UGT1A10: variants seen among roughly 807,000 people sequenced by gnomAD.
UGT1A10 encodes UDP-glucuronosyltransferase 1A10.
A neutral mutation model predicts 45.8 loss-of-function variants in UGT1A10; 49 were observed. The observed-to-expected ratio is 1.07, with a 90% CI of 0.85 to 1.36. The LOEUF (loss-of-function observed/expected upper bound fraction) is 1.36, where lower values mean the gene tolerates loss of function less well. UGT1A10 is among the 40% of genes most tolerant of loss of function. The probability of loss-of-function intolerance (pLI) is 0.00; values close to 1 mark genes in which losing one functional copy is unlikely to be tolerated. For synonymous variants in UGT1A10, 284 were observed against 249.7 expected (o/e 1.14, Z -1.29); for missense variants, 745 against 668.6 (o/e 1.11, Z -1.26).
At chr2:233,682,816 A>G (rs28969714) in intron 1 of UGT1A10, 1 of 1,580,878 alleles carries the variant, frequency 6.3e-7, no homozygotes, top group Non-Finnish European at 8.6e-7. Context: ...CCTTTAGCAC[A>G]TTAAGAATAA....
intron 1 of UGT1A10, among the ~76,000 whole-genome samples, chr2:233,654,704 A>C (rs2073816856): frequency 1.3e-5 from 2 of 152,248 alleles, no homozygotes; most frequent in African/African-American, 2.4e-5. Flanking sequence ...GTCTGCACCC[A>C]TGCTGAGGTG....
chr2:233,729,169 G>T (rs770212311), intron 1 of UGT1A10: 2 of 1,613,626 alleles, frequency 1.2e-6, no homozygotes, highest in African/African-American at 2.7e-5. Context: ...GCTGGCCACA[G>T]GACTGCTGCT....
intron 1 of UGT1A10, among the ~76,000 whole-genome samples, chr2:233,673,788 G>A (rs2074265390): frequency 6.6e-6 from 1 of 151,982 alleles, no homozygotes; most frequent in Admixed American, 6.6e-5. Context: ...TATGTATCTT[G>A]TATCCAGCCA....
At chr2:233,671,492 A>T (rs970853257) in intron 1 of UGT1A10, among the ~76,000 whole-genome samples, 1 of 152,208 alleles carries the variant, frequency 6.6e-6, no homozygotes, top group Admixed American at 6.5e-5. Flanking sequence ...CTTTGCTTAG[A>T]GCATGAGTTG....
rs1314353678 is a variant in UGT1A10 at position 233,681,955 on chromosome 2, G to T, written c.855+44578G>T. On this transcript the variant is annotated intron_variant, in intron 1 of 4. Transcript: ENST00000344644. Reference sequence around the variant, plus strand: ...GTTCTCTGATGGCTCGTGCAGGGTGGACTGGCCTCCTTCCCCTATATGTGT... The same window carrying T: ...GTTCTCTGATGGCTCGTGCAGGGTGTACTGGCCTCCTTCCCCTATATGTGT... 12 of 1,613,914 alleles carry T rather than the reference G, an allele frequency of 7.4e-6. No individual in the cohort carries two copies. The highest frequency in any genetic ancestry group is 1.0e-5 in the Non-Finnish European group (12 of 1,179,862).
intron 1 of UGT1A10, among the ~76,000 whole-genome samples, chr2:233,663,172 G>A (rs947798218): frequency 3.3e-5 from 5 of 152,222 alleles, no homozygotes; most frequent in African/African-American, 1.2e-4. Flanking sequence ...GTAACCACCC[G>A]GGGGATTCAC....
Position 233,755,064 on chromosome 2 carries a change from C to T in UGT1A10, c.856-11970C>T, listed in dbSNP as rs570313254. ...GCAGCCGCCCTCCGCCCTCGCCTCGCCATAGCGGTCATAGATATCGCGTTT... is the reference window on the plus strand; with the variant it reads ...GCAGCCGCCCTCCGCCCTCGCCTCGTCATAGCGGTCATAGATATCGCGTTT... On this transcript the variant is annotated intron_variant, in intron 1 of 4. Coordinates refer to ENST00000344644, the MANE Select transcript of UGT1A10 (RefSeq NM_019075.4). 1.3e-5 allele frequency: 17 copies of T among 1,335,842 alleles called. No homozygotes were observed. In the East Asian group the frequency reaches 3.2e-4, roughly 25 times the overall value. The allele number at this position is 1,335,842 out of a possible 1,614,324, so 82.7% of individuals were successfully genotyped here.
chr2:233,641,979 G>A (rs1228504431), intron 1 of UGT1A10, among the ~76,000 whole-genome samples: 1 of 152,046 alleles, frequency 6.6e-6, no homozygotes, highest in African/African-American at 2.4e-5. Context: ...AATGCCTTGA[G>A]GTAGTTTTCT....
intron 1 of UGT1A10, among the ~76,000 whole-genome samples, chr2:233,700,636 C>T (rs1374438438): frequency 6.6e-6 from 1 of 152,038 alleles, no homozygotes; most frequent in Admixed American, 6.5e-5. Context: ...GATTTAATGA[C>T]TTTAAGTGTT....
intron 1 of UGT1A10, among the ~76,000 whole-genome samples, chr2:233,710,168 A>G (rs2076115699): frequency 6.6e-6 from 1 of 152,116 alleles, no homozygotes; most frequent in South Asian, 2.1e-4. Context: ...TTATGCATTT[A>G]TTTATTGATG....
chr2:233,722,391 C>T (rs1160586490), intron 1 of UGT1A10, among the ~76,000 whole-genome samples: 1 of 152,204 alleles, frequency 6.6e-6, no homozygotes, highest in African/African-American at 2.4e-5. Flanking sequence ...TCTTCTCCCT[C>T]TCTTTCTCCT....
intron 1 of UGT1A10, among the ~76,000 whole-genome samples, chr2:233,676,649 G>A (rs764826095): frequency 1.3e-5 from 2 of 152,070 alleles, no homozygotes; most frequent in Non-Finnish European, 2.9e-5. Context: ...CTTGTTTTTA[G>A]TGACTTGGGC....
chr2:233,754,978 C>G, intron 1 of UGT1A10: 1 of 1,298,496 alleles, frequency 7.7e-7, no homozygotes, highest in Non-Finnish European at 1.0e-6. Context: ...CTGAAGACCT[C>G]GGCGGGGTCA....
intron 1 of UGT1A10, chr2:233,760,458 A>T (rs1336419159): frequency 6.2e-7 from 1 of 1,614,212 alleles, no homozygotes; most frequent in Non-Finnish European, 8.5e-7. Flanking sequence ...GACATGAAAT[A>T]GTTGTCCTAG....
chr2:233,643,027 C>A (rs2073496230), intron 1 of UGT1A10, among the ~76,000 whole-genome samples: 1 of 152,194 alleles, frequency 6.6e-6, no homozygotes, highest in Non-Finnish European at 1.5e-5. Context: ...TGGGTCTCAC[C>A]CAAGGCCTGC....
intron 1 of UGT1A10, chr2:233,743,331 T>G (rs1692262646): frequency 1.3e-6 from 1 of 770,826 alleles, no homozygotes; most frequent in South Asian, 1.4e-5. Context: ...CATCAACTAT[T>G]TCAGTGGAAG....
intron 1 of UGT1A10, chr2:233,718,041 G>A (rs2076623954): frequency 2.7e-6 from 1 of 376,114 alleles, no homozygotes; most frequent in African/African-American, 2.1e-5. Flanking sequence ...TGGTGAGCAG[G>A]AGCTCCCTGA....
chr2:233,717,210 G>A (rs145684488), intron 1 of UGT1A10, among the ~76,000 whole-genome samples: 64 of 152,210 alleles, frequency 4.2e-4, no homozygotes, highest in Non-Finnish European at 9.1e-4. Flanking sequence ...CCCTCACCCC[G>A]GGCTCATCAG....
chr2:233,721,879 C>G, intron 1 of UGT1A10: 1 of 493,898 alleles, frequency 2.0e-6, no homozygotes, highest in South Asian at 1.5e-5. Context: ...ACTTGCCAGC[C>G]CCTCCATTGC....
Sources: allele counts gnomAD v4.1 joint callset (sites outside exome capture counted in the v4.1 genomes callset), GRCh38; gene constraint gnomAD v4.1.1; transcripts MANE v1.5; gene names NCBI Gene and HGNC (gene_info 2026-07-23, HGNC 2026-07-21).